The following INTS13 variants were observed in gnomAD, a reference collection of about 807,000 sequenced individuals.
INTS13 encodes the protein asunder, spermatogenesis regulator homolog (Drosphila).
In INTS13, 35 loss-of-function variants were observed where a neutral mutation model predicts 90.2. That is an observed-to-expected ratio of 0.39 (90% CI 0.30 to 0.51). INTS13 has a LOEUF of 0.51. INTS13 is among the 20% of genes least tolerant of loss of function. The probability of loss-of-function intolerance (pLI) is 0.80; values close to 1 mark genes in which losing one functional copy is unlikely to be tolerated. For missense variants in INTS13, 601 were observed against 851.2 expected (o/e 0.71, Z 3.66); for synonymous variants, 309 against 277.1 (o/e 1.11, Z -1.14).
Position 26,914,031 on chromosome 12 carries a change from C to T in INTS13, c.1517G>A (p.Arg506Lys). Residue 506 changes from arginine to lysine, a missense_variant, in exon 13 of 17, where the codon AGA becomes AAA. By Grantham distance (26) the Arg-to-Lys change is conservative. Transcript: ENST00000261191. ...GGAAATAGGTAGAGGATCATTTTTT[C>T]TTTCCATATCAACTAAGTTGTATAT... ...KTIYNLVDME[R>K]KNDPLPISTV... 1 of 1,610,332 alleles carries T rather than the reference C, an allele frequency of 6.2e-7. No individual in the cohort carries two copies. Among genetic ancestry groups the T allele is most frequent in the African/African-American group, 1.3e-5 (1 of 74,792 alleles).
rs770365912 is a variant in INTS13, at chr12:26,906,515, T to C, written c.1946-78A>G. 545 of 1,399,924 alleles carry C rather than the reference T, an allele frequency of 3.9e-4. 1 individual carries two copies. The highest frequency in any genetic ancestry group is 5.0e-4 in the Non-Finnish European group (509 of 1,017,448). 86.7% of individuals were successfully genotyped at this position (1,399,924 alleles called of 1,614,324 possible). A position where few individuals can be genotyped will look rare whatever the true frequency, so the allele number is the denominator to read the frequency against. On this transcript the variant is annotated intron_variant, in intron 15 of 16. Transcript: ENST00000261191. ...TTCCAAATTTCCAAATTTCCAAACT[T>C]ACCTTTAATTCTGTTGTTCATTTTA...
chr12:26,930,480 T>G (rs939195735), intron 3 of INTS13, among the ~76,000 whole-genome samples: 2 of 152,204 alleles, frequency 1.3e-5, no homozygotes, highest in Admixed American at 6.5e-5. Flanking sequence ...GGAAAAGGTG[T>G]GACATGGATA....
chr12:26,926,977 T>C (rs1937910212), intron 5 of INTS13, among the ~76,000 whole-genome samples: 1 of 152,158 alleles, frequency 6.6e-6, no homozygotes, highest in South Asian at 2.1e-4. Flanking sequence ...GAAGCCTCCA[T>C]AAAAATCCCT....
Position 26,924,477 on chromosome 12 carries a change from G to A in INTS13, c.682C>T (p.Pro228Ser), listed in dbSNP as rs1446309612. Residue 228 changes from proline (P) to serine (S), a missense_variant, in exon 7 of 17, where the codon CCG becomes TCG. Pro to Ser is a moderately conservative substitution (Grantham distance 74). Coordinates refer to ENST00000261191, the MANE Select transcript of INTS13 (RefSeq NM_018164.3). Reference sequence around the variant, plus strand: ...CTATGAACTTCACTGGTTAAAACCGGGGACAACTACAGAAAAACATACAAG... The same window carrying A: ...CTATGAACTTCACTGGTTAAAACCGAGGACAACTACAGAAAAACATACAAG... ...VSDRSKKELSPVLTSEVHSVR... is the reference protein window; with the variant it reads ...VSDRSKKELSSVLTSEVHSVR... 3 of 1,601,042 alleles carry A rather than the reference G, an allele frequency of 1.9e-6. No individual in the cohort carries two copies. The African/African-American group carries it at 4.0e-5, about 22-fold the overall frequency.
chr12:26,922,488 T>C lies in INTS13; in HGVS notation c.889+128A>G, dbSNP rs568371765. On this transcript the variant is annotated intron_variant, in intron 8 of 16. Transcript: ENST00000261191. ...GAAAACAGTGTATACAGTATAGGGT[T>C]CGAGACCATCTGAGATTTCAGGCAT... is the stretch of plus-strand genomic sequence containing the variant. 2.1e-5 allele frequency: 12 copies of C among 566,880 alleles called. No individual in the cohort carries two copies. In the African/African-American group the frequency reaches 2.3e-4, roughly 11 times the overall value. The allele number at this position is 566,880 out of a possible 1,614,324, so 35.1% of individuals were successfully genotyped here.
intron 11 of INTS13, among the ~76,000 whole-genome samples, chr12:26,915,084 G>A (rs557381182): frequency 1.3e-5 from 2 of 152,194 alleles, no homozygotes; most frequent in South Asian, 4.1e-4. Context: ...AAATTAGCTG[G>A]GCATGGTGGC....
chr12:26,923,811 C>A (rs544746378), intron 7 of INTS13, among the ~76,000 whole-genome samples: 1 of 152,032 alleles, frequency 6.6e-6, no homozygotes, highest in African/African-American at 2.4e-5. Context: ...ACTGGGTGGG[C>A]AACAACAAAA....
chr12:26,924,768 T>C (rs1328151379), intron 6 of INTS13, among the ~76,000 whole-genome samples: 1 of 152,174 alleles, frequency 6.6e-6, no homozygotes, highest in Admixed American at 6.5e-5. Flanking sequence ...AAATTTAGAG[T>C]GAAATATTTA....
At position 26,913,482 on chromosome 12, in the gene INTS13, C is replaced by T; in HGVS notation, c.1780G>A (p.Glu594Lys). Residue 594 changes from glutamate (E) to lysine (K), a missense_variant, in exon 14 of 17, where the codon GAA (glutamate) becomes AAA (lysine). Around this residue, in one of 3 missense-constraint regions of INTS13, gnomAD observed 228 missense variants for 272.5 expected, o/e 0.84. Coordinates refer to ENST00000261191, the MANE Select transcript of INTS13 (RefSeq NM_018164.3). ...CTCTCTGAGTCTTGCCAAGACTTTT[C>T]CTGTTCATAATCTTTCACTGCTTTC... ...SEKAVKDYEQ[E>K]KSWQDSERLK... 1 of 1,614,064 alleles carries T rather than the reference C, an allele frequency of 6.2e-7. No homozygotes were observed. The highest frequency in any genetic ancestry group is 8.5e-7 in the Non-Finnish European group (1 of 1,179,992).
At chr12:26,912,691 C>G (rs1951816209) in intron 14 of INTS13, among the ~76,000 whole-genome samples, 1 of 151,464 alleles carries the variant, frequency 6.6e-6, no homozygotes, top group South Asian at 2.1e-4. Flanking sequence ...CATCCTATGC[C>G]TATTTTTATA....
intron 11 of INTS13, among the ~76,000 whole-genome samples, chr12:26,915,199 C>G (rs777697576): frequency 6.6e-6 from 1 of 152,102 alleles, no homozygotes; most frequent in Admixed American, 6.5e-5. Flanking sequence ...GCACTCTAAC[C>G]TGGGCAACAA....
At chr12:26,929,417 A>G (rs1040969882) in intron 3 of INTS13, among the ~76,000 whole-genome samples, 3 of 152,188 alleles carry the variant, frequency 2.0e-5, no homozygotes, top group African/African-American at 7.2e-5. Context: ...GATAGGAAAG[A>G]AAAAGAAATA....
chr12:26,917,505 G>GAA, intron 9 of INTS13, 64 bp from the exon 10 acceptor site: 1 of 1,260,382 alleles, frequency 7.9e-7, no homozygotes, highest in Non-Finnish European at 1.1e-6. Context: ...TTAAAAGAAA[G>GAA]AAAAAAAAAC....
At chr12:26,930,108 A>G (rs1938111123) in intron 3 of INTS13, among the ~76,000 whole-genome samples, 1 of 152,218 alleles carries the variant, frequency 6.6e-6, no homozygotes, top group Non-Finnish European at 1.5e-5. Flanking sequence ...AAATTTAACA[A>G]GAACTATAAA....
chr12:26,924,234 C>G, intron 7 of INTS13, 121 bp downstream of exon 7: 4 of 1,029,368 alleles, frequency 3.9e-6, no homozygotes, highest in Non-Finnish European at 5.6e-6. Flanking sequence ...CTCAAGTGAT[C>G]CTCCCATCTC....
At chr12:26,919,438 G>A (rs1415931149) in intron 8 of INTS13, among the ~76,000 whole-genome samples, 1 of 152,170 alleles carries the variant, frequency 6.6e-6, no homozygotes, top group African/African-American at 2.4e-5. Flanking sequence ...CGGGTTTAAG[G>A]TCATGAGAAC....
At chr12:26,923,135 T>C (rs4963672) in intron 7 of INTS13, among the ~76,000 whole-genome samples, 126,663 of 152,076 alleles carry the variant, frequency 0.83, 53,136 homozygotes, top group East Asian at 1. Context: ...ATATAAAATA[T>C]AAACTAATAA....
intron 5 of INTS13, among the ~76,000 whole-genome samples, chr12:26,927,881 G>T (rs1341055344): frequency 3.3e-5 from 5 of 152,162 alleles, no homozygotes; most frequent in African/African-American, 1.2e-4. Flanking sequence ...CCCGCAAAGT[G>T]CTGGGATAAC....
intron 3 of INTS13, among the ~76,000 whole-genome samples, chr12:26,932,462 T>A (rs148659601): frequency 6.6e-6 from 1 of 152,112 alleles, no homozygotes; most frequent in Non-Finnish European, 1.5e-5. Context: ...AGTGACTACA[T>A]CTCCCCTACC....
Sources: gnomAD v4.1 joint callset for allele counts (sites outside exome capture counted in the v4.1 genomes callset) on GRCh38, gnomAD v4.1.1 for gene constraint, gnomAD v4.1.1 regional missense constraint, MANE v1.5 for transcripts, NCBI Gene and HGNC (gene_info 2026-07-23, HGNC 2026-07-21) for gene names.